Variants in PSMG2 observed in about 807,000 individuals in gnomAD.
PSMG2 encodes proteasome assembly chaperone 2.
PSMG2 carries 21 observed loss-of-function variants against 31.5 expected under a neutral mutation model. The ratio of observed to expected loss-of-function variants is 0.67; its 90% CI spans 0.47 to 0.96. PSMG2 has a LOEUF of 0.96. Ranked by LOEUF, PSMG2 falls within the 40% of genes least tolerant of loss-of-function variation. The probability of loss-of-function intolerance (pLI) is 0.00; values close to 1 mark genes in which losing one functional copy is unlikely to be tolerated. For missense variants in PSMG2, 318 were observed against 321.2 expected (o/e 0.99, Z 0.08); for synonymous variants, 120 against 110.4 (o/e 1.09, Z -0.54).
intron 1 of PSMG2, among the ~76,000 whole-genome samples, chr18:12,687,676 C>T (rs369247291): frequency 6.6e-5 from 10 of 151,778 alleles, no homozygotes; most frequent in African/African-American, 2.4e-4. Flanking sequence ...TGGTCTCAAA[C>T]TCCTGACCTC....
chr18:12,698,265 G>T (rs775720298), upstream of PSMG2, among the ~76,000 whole-genome samples: 3 of 151,854 alleles, frequency 2.0e-5, no homozygotes, highest in Non-Finnish European at 2.9e-5. Context: ...GTCTCACTCT[G>T]TTGCCCAGGC....
At chr18:12,659,657 G>T (rs1018063730) in intron 1 of PSMG2, among the ~76,000 whole-genome samples, 7 of 152,084 alleles carry the variant, frequency 4.6e-5, no homozygotes, top group African/African-American at 1.7e-4. Context: ...GGGACAGAGC[G>T]AGAGTCTGTC....
At chr18:12,671,263 C>T (rs2038935148) in intron 1 of PSMG2, 1 of 151,972 alleles carries the variant, frequency 6.6e-6, no homozygotes, top group South Asian at 2.1e-4. Context: ...AATTTTAAGA[C>T]ACTTTTAGAT....
At chr18:12,690,945 C>CG (rs1307221133) in intron 1 of PSMG2, among the ~76,000 whole-genome samples, 1 of 151,276 alleles carries the variant, frequency 6.6e-6, no homozygotes. Flanking sequence ...CAGAGCCCCC[C>CG]CCCGTTCTGC....
At chr18:12,700,005 G>C, upstream of PSMG2, 1 of 608,544 alleles carries the variant, frequency 1.6e-6, no homozygotes, top group Non-Finnish European at 2.7e-6. Flanking sequence ...AAAGTCAACA[G>C]GGTAAGGCCC....
chr18:12,661,239 C>T (rs1568000961), intron 1 of PSMG2: 2 of 262,968 alleles, frequency 7.6e-6, no homozygotes, highest in East Asian at 1.8e-4. Context: ...ACCCGGGAGG[C>T]GGAGCGTGCA....
chr18:12,719,478 C>T (rs1480181119), intron 4 of PSMG2, among the ~76,000 whole-genome samples: 1 of 151,676 alleles, frequency 6.6e-6, no homozygotes, highest in Admixed American at 6.6e-5. Flanking sequence ...ACCTCCACCT[C>T]CTGGATTCAA....
intron 1 of PSMG2, chr18:12,673,077 T>C (rs1161099219): frequency 9.9e-7 from 1 of 1,010,272 alleles, no homozygotes; most frequent in Non-Finnish European, 1.2e-6. Flanking sequence ...GCATTTTATA[T>C]TAATATTTAA....
At chr18:12,672,230 TCAGCCTCCTGAGTAGCTGGGATTA>T (rs1166289262) in intron 1 of PSMG2, among the ~76,000 whole-genome samples, 79 of 151,808 alleles carry the variant, frequency 5.2e-4, no homozygotes, top group African/African-American at 1.7e-3. Flanking sequence ...TTCTCCTGCC[TCAGCCTCCTGAGTAGCTGGGATTA>T]CAGGTGTGAG....
chr18:12,674,686 TAAG>T, intron 1 of PSMG2: 1 of 1,614,084 alleles, frequency 6.2e-7, no homozygotes, highest in Non-Finnish European at 8.5e-7. Flanking sequence ...CTCAAATTCA[TAAG>T]AAGCCAAAGC....
At chr18:12,700,818 G>T, upstream of PSMG2, 1 of 602,250 alleles carries the variant, frequency 1.7e-6, no homozygotes, top group Non-Finnish European at 2.8e-6. Flanking sequence ...GCCTATACTT[G>T]AAACAAGGAC....
upstream of PSMG2, among the ~76,000 whole-genome samples, chr18:12,702,231 G>A (rs115342350): frequency 1.3e-5 from 2 of 152,278 alleles, no homozygotes; most frequent in Admixed American, 6.5e-5. Context: ...CATTCTCACG[G>A]CCGTCCTAAA....
In PSMG2 at chr18:12,697,975, C is replaced by T. The variant is rs151174894; in HGVS notation, c.-36-8575C>T. ...GCTTAGTTTACAAATATAAAGATTT[C>T]CATACTGACAATTACAAAATACAAA... On this transcript the variant is annotated intron_variant, in intron 1 of 6. Coordinates refer to the PSMG2 transcript ENST00000585331. Among the ~76,000 whole-genome samples, 58 of 151,942 alleles carry T rather than the reference C, an allele frequency of 3.8e-4. No individual in the cohort carries two copies. In the East Asian group the frequency reaches 9.7e-3, roughly 25 times the overall value.
At chr18:12,665,416 AT>A (rs890349856) in intron 1 of PSMG2, among the ~76,000 whole-genome samples, 1 of 151,896 alleles carries the variant, frequency 6.6e-6, no homozygotes, top group Non-Finnish European at 1.5e-5. Context: ...TTTCCTTAGG[AT>A]TTCCCCTGAA....
At chr18:12,702,566 C>G (rs763044714), upstream of PSMG2, 4 of 1,589,388 alleles carry the variant, frequency 2.5e-6, no homozygotes, top group Non-Finnish European at 3.4e-6. Context: ...GCCGGCGTCT[C>G]CCCGCCGCTT....
At chr18:12,683,832 A>G (rs1285013399) in intron 1 of PSMG2, among the ~76,000 whole-genome samples, 1 of 152,082 alleles carries the variant, frequency 6.6e-6, no homozygotes, top group Non-Finnish European at 1.5e-5. Flanking sequence ...TTATAAAGCA[A>G]GATACAAAAA....
chr18:12,717,461 C>G (rs753573049), intron 3 of PSMG2, among the ~76,000 whole-genome samples: 1 of 152,212 alleles, frequency 6.6e-6, no homozygotes, highest in African/African-American at 2.4e-5. Flanking sequence ...CTTGATCTCT[C>G]GCTATGCGCG....
chr18:12,717,039 T>G (rs1310465635), intron 3 of PSMG2, among the ~76,000 whole-genome samples: 1 of 144,496 alleles, frequency 6.9e-6, no homozygotes, highest in Non-Finnish European at 1.5e-5. Flanking sequence ...AGCCCTGACC[T>G]CCGAGGCTCA....
intron 2 of PSMG2, among the ~76,000 whole-genome samples, chr18:12,707,337 C>T (rs2040279479): frequency 2.6e-5 from 4 of 152,196 alleles, no homozygotes; most frequent in Non-Finnish European, 1.5e-5. Context: ...TCAGTTTTAT[C>T]TCCTGTTCTT....
Sources: allele counts gnomAD v4.1 joint callset (sites outside exome capture counted in the v4.1 genomes callset), GRCh38; gene constraint gnomAD v4.1.1; transcripts MANE v1.5; gene names NCBI Gene and HGNC (gene_info 2026-07-23, HGNC 2026-07-21).